C20orf203: variants seen among roughly 807,000 people sequenced by gnomAD.
C20orf203 encodes the protein chromosome 20 open reading frame 203, also known as uncharacterized protein C20orf203.
Under a neutral mutation model 15.9 loss-of-function variants are expected in C20orf203, and 16 were observed. The observed-to-expected ratio is 1.01, with a 90% CI of 0.68 to 1.53. The LOEUF is 1.53. C20orf203 is among the 40% of genes most tolerant of loss of function. The pLI is 0.00. For missense variants in C20orf203, 263 were observed against 247.5 expected, an observed-to-expected ratio of 1.06 and a Z score of -0.42; for synonymous variants, 98 against 97.2, an observed-to-expected ratio of 1.01 and a Z score of -0.05.
At chr20:32,642,321 G>A (rs1257499626) in intron 4 of C20orf203, among the ~76,000 whole-genome samples, 1 of 152,226 alleles carries the variant, frequency 6.6e-6, no homozygotes, top group Non-Finnish European at 1.5e-5. Flanking sequence ...AGGTGGAAGA[G>A]TAAGTCCTGC....
chr20:32,648,607 A>ATGTTTTTTTTTTTT (rs58582539), intron 4 of C20orf203, among the ~76,000 whole-genome samples: 1 of 125,900 alleles, frequency 7.9e-6, no homozygotes, highest in African/African-American at 2.9e-5. Flanking sequence ...AATCTGGCTA[A>ATGTTTTTTTTTTTT]TTTTTTTTTT....
At chr20:32,644,153 A>G (rs1420089373) in intron 4 of C20orf203, among the ~76,000 whole-genome samples, 1 of 152,210 alleles carries the variant, frequency 6.6e-6, no homozygotes, top group African/African-American at 2.4e-5. Context: ...AGCCTTCTAG[A>G]AAAAGGAGTT....
chr20:32,659,389 T>A (rs1982837899), intron 1 of C20orf203, among the ~76,000 whole-genome samples: 1 of 152,228 alleles, frequency 6.6e-6, no homozygotes, highest in Non-Finnish European at 1.5e-5. Context: ...AAAAACATTA[T>A]CGCAGCTCAA....
intron 1 of C20orf203, among the ~76,000 whole-genome samples, chr20:32,653,415 G>A (rs7262940): frequency 0.18 from 27,934 of 152,096 alleles, 3,348 homozygotes; most frequent in Non-Finnish European, 0.26. Flanking sequence ...ACTGTAGGTC[G>A]CTGAGTATCT....
intron 4 of C20orf203, among the ~76,000 whole-genome samples, chr20:32,641,333 C>CAAAA (rs71338447): frequency 2.1e-4 from 12 of 56,972 alleles, no homozygotes; most frequent in East Asian, 4.2e-4. Flanking sequence ...CTCAAAAACT[C>CAAAA]AAAAAAAAAA....
intron 5 of C20orf203, among the ~76,000 whole-genome samples, chr20:32,636,780 C>A (rs1056531451): frequency 6.6e-6 from 1 of 152,206 alleles, no homozygotes; most frequent in African/African-American, 2.4e-5. Context: ...CCTGATATTT[C>A]CTCTGCCCCT....
chr20:32,661,883 T>A (rs551702317), intron 1 of C20orf203, among the ~76,000 whole-genome samples: 1 of 152,176 alleles, frequency 6.6e-6, no homozygotes, highest in South Asian at 2.1e-4. Flanking sequence ...GACAGAAGCA[T>A]CAGCTCATAG....
At chr20:32,640,855 T>C (rs1259236329) in intron 4 of C20orf203, among the ~76,000 whole-genome samples, 168 bp from the exon 5 acceptor site, 2 of 152,196 alleles carry the variant, frequency 1.3e-5, no homozygotes, top group Non-Finnish European at 2.9e-5. Context: ...TGGATTTCCC[T>C]CTTCTGGACA....
At chr20:32,673,360 G>A (rs1390595550) in intron 1 of C20orf203, among the ~76,000 whole-genome samples, 2 of 152,308 alleles carry the variant, frequency 1.3e-5, no homozygotes, top group African/African-American at 2.4e-5. Context: ...CACAGAGAGA[G>A]CACAGGGCGG....
chr20:32,666,061 A>G (rs1983012120), intron 1 of C20orf203, among the ~76,000 whole-genome samples: 1 of 151,316 alleles, frequency 6.6e-6, no homozygotes, highest in African/African-American at 2.4e-5. Flanking sequence ...TAAGCCCAGG[A>G]GGCAGAGGTT....
At chr20:32,659,265 C>A (rs886083671) in intron 1 of C20orf203, among the ~76,000 whole-genome samples, 11 of 152,154 alleles carry the variant, frequency 7.2e-5, no homozygotes, top group Admixed American at 7.2e-4. Flanking sequence ...GGAATGTAAT[C>A]CTGGCTTGAT....
intron 1 of C20orf203, among the ~76,000 whole-genome samples, chr20:32,666,364 G>A (rs1407364822): frequency 6.6e-6 from 1 of 151,854 alleles, no homozygotes; most frequent in Admixed American, 6.6e-5. Context: ...CTACTCAGGA[G>A]GCTGAGGTGG....
intron 4 of C20orf203, among the ~76,000 whole-genome samples, chr20:32,647,122 C>G (rs1032290385): frequency 4.6e-5 from 7 of 152,178 alleles, no homozygotes; most frequent in Admixed American, 3.3e-4. Context: ...GGGCCGGGCG[C>G]AGTGGCTCAC....
At chr20:32,640,198 A>T (rs1374758627) in intron 5 of C20orf203, among the ~76,000 whole-genome samples, 1 of 152,218 alleles carries the variant, frequency 6.6e-6, no homozygotes, top group Non-Finnish European at 1.5e-5. Flanking sequence ...AAATATTAAC[A>T]GTAGTTATCC....
intron 1 of C20orf203, among the ~76,000 whole-genome samples, chr20:32,673,263 C>A (rs1333883194): frequency 6.6e-6 from 1 of 152,180 alleles, no homozygotes; most frequent in Non-Finnish European, 1.5e-5. Flanking sequence ...AGTGAAGAGG[C>A]CCTGTGGCTG....
At chr20:32,637,638 C>T (rs755175490) in intron 5 of C20orf203, among the ~76,000 whole-genome samples, 6 of 152,100 alleles carry the variant, frequency 3.9e-5, no homozygotes, top group Non-Finnish European at 8.8e-5. Context: ...CACTAGGGTC[C>T]GTCTCTTGGA....
intron 1 of C20orf203, among the ~76,000 whole-genome samples, chr20:32,653,218 G>C (rs1982680903): frequency 6.6e-6 from 1 of 152,228 alleles, no homozygotes; most frequent in African/African-American, 2.4e-5. Flanking sequence ...CCACTACACA[G>C]ATGGGAAAAC....
At chr20:32,640,093 A>T (rs2145662247) in intron 5 of C20orf203, among the ~76,000 whole-genome samples, 1 of 152,272 alleles carries the variant, frequency 6.6e-6, no homozygotes, top group African/African-American at 2.4e-5. Flanking sequence ...TTTTATGTAG[A>T]TGTGTATTTA....
chr20:32,668,698 C>T (rs765806658), intron 1 of C20orf203, among the ~76,000 whole-genome samples: 2 of 151,820 alleles, frequency 1.3e-5, no homozygotes, highest in East Asian at 1.9e-4. Context: ...CCTGTAATGC[C>T]TGTAATCCCA....
Sources: allele counts gnomAD v4.1 joint callset (sites outside exome capture counted in the v4.1 genomes callset), GRCh38; gene constraint gnomAD v4.1.1; transcripts MANE v1.5; gene names NCBI Gene and HGNC (gene_info 2026-07-23, HGNC 2026-07-21).